HDAC9: variants seen among roughly 807,000 people sequenced by gnomAD.
The protein encoded by HDAC9 is histone deacetylase 9.
A neutral mutation model predicts 139.4 loss-of-function variants in HDAC9; 41 were observed. The ratio of observed to expected loss-of-function variants is 0.29; its 90% CI spans 0.23 to 0.38. HDAC9 has a LOEUF of 0.38. Ranked by LOEUF, HDAC9 falls within the 10% of genes least tolerant of loss-of-function variation. The probability of loss-of-function intolerance (pLI) is 1.00; values close to 1 mark genes in which losing one functional copy is unlikely to be tolerated. For synonymous variants in HDAC9, 517 were observed against 476.2 expected (o/e 1.09, Z -1.12); for missense variants, 1,147 against 1,297.0 (o/e 0.88, Z 1.78).
chr7:18,126,130 T>G (rs1784652163), intron 1 of HDAC9, among the ~76,000 whole-genome samples: 1 of 152,166 alleles, frequency 6.6e-6, no homozygotes, highest in African/African-American at 2.4e-5. Flanking sequence ...ATTTATTGGA[T>G]TTCTGGTATT....
chr7:18,776,693 G>A (rs1790796090), intron 16 of HDAC9, among the ~76,000 whole-genome samples: 1 of 151,942 alleles, frequency 6.6e-6, no homozygotes, highest in Non-Finnish European at 1.5e-5. Flanking sequence ...GAGAAGTGTT[G>A]CTTTTTTGGA....
At chr7:18,629,846 C>G (rs566547973) in intron 7 of HDAC9, among the ~76,000 whole-genome samples, 1 of 152,216 alleles carries the variant, frequency 6.6e-6, no homozygotes, top group East Asian at 1.9e-4. Flanking sequence ...AGAACACTTT[C>G]CCCTGTACTC....
chr7:18,674,535 T>C (rs1421256513), intron 12 of HDAC9, among the ~76,000 whole-genome samples: 1 of 152,068 alleles, frequency 6.6e-6, no homozygotes, highest in Non-Finnish European at 1.5e-5. Context: ...TTATGTCTTT[T>C]TGGTTTTTGA....
intron 17 of HDAC9, among the ~76,000 whole-genome samples, chr7:18,825,501 C>T (rs906308540): frequency 8.6e-5 from 13 of 151,950 alleles, no homozygotes; most frequent in African/African-American, 1.2e-4. Flanking sequence ...AGTAGCATGG[C>T]GGCCATTGGT....
At chr7:18,185,170 G>C (rs996897609) in intron 2 of HDAC9, among the ~76,000 whole-genome samples, 1 of 152,176 alleles carries the variant, frequency 6.6e-6, no homozygotes, top group Non-Finnish European at 1.5e-5. Flanking sequence ...GACAGTGATC[G>C]AGGCAAAAAA....
intron 2 of HDAC9, among the ~76,000 whole-genome samples, chr7:18,540,287 A>G (rs1812397441): frequency 6.6e-6 from 1 of 151,564 alleles, no homozygotes; most frequent in Non-Finnish European, 1.5e-5. Context: ...AAAAAAAAAA[A>G]AAAAAAGGTT....
chr7:18,325,302 A>C (rs903021761), intron 1 of HDAC9, among the ~76,000 whole-genome samples: 7 of 152,144 alleles, frequency 4.6e-5, no homozygotes, highest in African/African-American at 1.4e-4. Context: ...TGAATAAAAC[A>C]AAAAGAAGTC....
intron 2 of HDAC9, among the ~76,000 whole-genome samples, chr7:18,187,442 A>G (rs1789999799): frequency 6.6e-6 from 1 of 152,186 alleles, no homozygotes; most frequent in Non-Finnish European, 1.5e-5. Flanking sequence ...ATTTATTCAT[A>G]CTTCACTCAG....
At chr7:18,768,786 T>C (rs1422991821) in intron 16 of HDAC9, among the ~76,000 whole-genome samples, 1 of 152,168 alleles carries the variant, frequency 6.6e-6, no homozygotes. Flanking sequence ...GTTATGATGG[T>C]TCAATTTATG....
chr7:18,157,429 G>A (rs1787293259), intron 1 of HDAC9, among the ~76,000 whole-genome samples: 2 of 152,170 alleles, frequency 1.3e-5, no homozygotes, highest in African/African-American at 4.8e-5. Flanking sequence ...GGAGCTGTGT[G>A]TCACCAAATT....
chr7:18,702,665 C>T (rs976977490), intron 12 of HDAC9, among the ~76,000 whole-genome samples: 3 of 151,728 alleles, frequency 2.0e-5, no homozygotes, highest in South Asian at 2.1e-4. Context: ...GGTGAAATCC[C>T]CTCATGGGAG....
chr7:18,427,515 A>C (rs1019958198), intron 1 of HDAC9, among the ~76,000 whole-genome samples: 1 of 151,686 alleles, frequency 6.6e-6, no homozygotes, highest in Non-Finnish European at 1.5e-5. Context: ...TCCCTCTCCC[A>C]ATCCACAATC....
chr7:18,703,264 CA>C (rs1783642792), intron 12 of HDAC9, among the ~76,000 whole-genome samples: 1 of 151,972 alleles, frequency 6.6e-6, no homozygotes, highest in Non-Finnish European at 1.5e-5. Flanking sequence ...TCAAAGGAAA[CA>C]AAAAAATTAA....
chr7:18,091,761 C>G lies in HDAC9; in HGVS notation c.-97+4548C>G, dbSNP rs116063068. 2.1e-3 allele frequency among the ~76,000 whole-genome samples: 318 copies of G among 152,330 alleles called. 1 individual carries two copies. Among genetic ancestry groups the G allele is most frequent in the African/African-American group, 7.5e-3 (310 of 41,576 alleles). On this transcript the variant is annotated intron_variant, in intron 1 of 12. Coordinates refer to the HDAC9 transcript ENST00000417496. ...CAGAAGATCAATAGGAAAAGATCCA[C>G]TTTCAAGCTCTTTTCTATTATTGGC...
intron 21 of HDAC9, among the ~76,000 whole-genome samples, chr7:18,845,302 G>A (rs900215390): frequency 6.6e-6 from 1 of 152,050 alleles, no homozygotes; most frequent in African/African-American, 2.4e-5. Flanking sequence ...GGGAGAGAGA[G>A]GGTGAGTCTG....
At chr7:18,927,540 C>A (rs868188279) in intron 22 of HDAC9, among the ~76,000 whole-genome samples, 1 of 152,096 alleles carries the variant, frequency 6.6e-6, no homozygotes, top group East Asian at 1.9e-4. Context: ...TTCAGTAATA[C>A]TTTTTGGATA....
At chr7:18,537,193 G>C (rs1811191563) in intron 2 of HDAC9, among the ~76,000 whole-genome samples, 1 of 152,126 alleles carries the variant, frequency 6.6e-6, no homozygotes, top group South Asian at 2.1e-4. Context: ...AAAACTACCA[G>C]AAGAGACTAA....
At chr7:18,423,870 A>G (rs561966794) in intron 1 of HDAC9, among the ~76,000 whole-genome samples, 1 of 152,334 alleles carries the variant, frequency 6.6e-6, no homozygotes, top group East Asian at 1.9e-4. Flanking sequence ...GATTCACAGC[A>G]AGGGAAAGTG....
At chr7:18,437,047 T>G (rs565619019) in intron 1 of HDAC9, among the ~76,000 whole-genome samples, 2 of 152,156 alleles carry the variant, frequency 1.3e-5, no homozygotes, top group East Asian at 1.9e-4. Context: ...CTCTGTAAAT[T>G]TCCTCACAGC....
Sources: gnomAD v4.1 joint callset for allele counts (sites outside exome capture counted in the v4.1 genomes callset) on GRCh38, gnomAD v4.1.1 for gene constraint, MANE v1.5 for transcripts, NCBI Gene and HGNC (gene_info 2026-07-23, HGNC 2026-07-21) for gene names.